The following DISC1 variants were observed in gnomAD, a reference collection of about 807,000 sequenced individuals.
The protein encoded by DISC1 is DISC1 scaffold protein, also known as disrupted in schizophrenia 1 protein.
In DISC1, 57 loss-of-function variants were observed where a neutral mutation model predicts 84.5. That is an observed-to-expected ratio of 0.67 (90% CI 0.55 to 0.84). The LOEUF (loss-of-function observed/expected upper bound fraction) is 0.84. DISC1 is among the 40% of genes least tolerant of loss of function. The probability of loss-of-function intolerance (pLI) is 0.00; values close to 1 mark genes in which losing one functional copy is unlikely to be tolerated. For synonymous variants in DISC1, 411 were observed against 415.2 expected (o/e 0.99, Z 0.12); for missense variants, 1,000 against 1,057.8 (o/e 0.95, Z 0.76).
chr1:231,728,481 T>C (rs928729131), intron 3 of DISC1, among the ~76,000 whole-genome samples: 1 of 152,200 alleles, frequency 6.6e-6, no homozygotes, highest in Non-Finnish European at 1.5e-5. Context: ...GGAGTTAGGC[T>C]TTAATACCTA....
At chr1:231,642,742 C>G (rs894686585) in intron 1 of DISC1, among the ~76,000 whole-genome samples, 6 of 151,392 alleles carry the variant, frequency 4.0e-5, no homozygotes, top group African/African-American at 1.5e-4. Flanking sequence ...TCTCTTCTGG[C>G]TCAGAAAATT....
chr1:231,828,607 A>G (rs1440822049), intron 9 of DISC1, among the ~76,000 whole-genome samples: 2 of 152,364 alleles, frequency 1.3e-5, no homozygotes, highest in African/African-American at 4.8e-5. Flanking sequence ...TTCAAAAAAT[A>G]CCTTTAGCAT....
At chr1:231,718,395 T>C (rs954285914) in intron 3 of DISC1, among the ~76,000 whole-genome samples, 1 of 152,014 alleles carries the variant, frequency 6.6e-6, no homozygotes, top group Non-Finnish European at 1.5e-5. Context: ...TCTAACTTCA[T>C]TTCTTGCCAT....
intron 11 of DISC1, among the ~76,000 whole-genome samples, chr1:232,018,793 G>A (rs1668702009): frequency 6.6e-6 from 1 of 152,224 alleles, no homozygotes; most frequent in African/African-American, 2.4e-5. Context: ...TAAAAGCCAT[G>A]TGTGTACAGC....
chr1:232,005,251 C>G (rs529189077), intron 10 of DISC1, among the ~76,000 whole-genome samples: 1 of 152,072 alleles, frequency 6.6e-6, no homozygotes, highest in East Asian at 1.9e-4. Context: ...CACAAGAAGT[C>G]CCATTATGCC....
chr1:231,751,609 A>G (rs563384303), intron 4 of DISC1, among the ~76,000 whole-genome samples: 1 of 152,316 alleles, frequency 6.6e-6, no homozygotes, highest in South Asian at 2.1e-4. Context: ...CTCTGTACCC[A>G]TTAAGCAATA....
chr1:231,737,076 C>A lies in DISC1; in HGVS notation c.1118-12850C>A, dbSNP rs184825845. 2.4e-3 allele frequency among the ~76,000 whole-genome samples: 365 copies of A among 152,304 alleles called. 4 individuals are homozygous for A. The highest frequency in any genetic ancestry group is 8.4e-3 in the African/African-American group (350 of 41,566). On this transcript the variant is annotated intron_variant, in intron 3 of 12. Coordinates refer to ENST00000439617, the MANE Select transcript of DISC1 (RefSeq NM_018662.3). The stretch of plus-strand genomic sequence containing the variant: ...GATGTGCTAAAGAATAACAGATGAG[C>A]ATTGACCTTCAATTAAACATTAGCA...
chr1:231,921,834 T>A (rs1572073244), intron 9 of DISC1, among the ~76,000 whole-genome samples: 2 of 140,726 alleles, frequency 1.4e-5, no homozygotes, highest in Non-Finnish European at 3.1e-5. Context: ...TTTTGGAGTG[T>A]GATGAGAACC....
chr1:231,729,658 C>G (rs1445106271), intron 3 of DISC1, among the ~76,000 whole-genome samples: 4 of 151,614 alleles, frequency 2.6e-5, no homozygotes, highest in Non-Finnish European at 5.9e-5. Flanking sequence ...TGGATTTCAT[C>G]CAAATTGGAA....
intron 3 of DISC1, among the ~76,000 whole-genome samples, chr1:231,709,908 G>T (rs1178854967): frequency 6.6e-6 from 1 of 152,210 alleles, no homozygotes; most frequent in Non-Finnish European, 1.5e-5. Context: ...GCGCTTAGAA[G>T]ACTGATTTTG....
intron 3 of DISC1, among the ~76,000 whole-genome samples, chr1:231,717,174 A>T (rs2068859585): frequency 6.6e-6 from 1 of 152,162 alleles, no homozygotes; most frequent in South Asian, 2.1e-4. Context: ...TTGGGAGATG[A>T]ATTGTGGCCC....
At chr1:231,740,857 T>G (rs1237665723) in intron 3 of DISC1, among the ~76,000 whole-genome samples, 3 of 152,190 alleles carry the variant, frequency 2.0e-5, no homozygotes, top group African/African-American at 7.2e-5. Flanking sequence ...ACCCGTCACA[T>G]GAGGTCAGAT....
intron 4 of DISC1, among the ~76,000 whole-genome samples, chr1:231,761,129 G>T (rs1381325053): frequency 2.6e-5 from 4 of 152,090 alleles, no homozygotes; most frequent in African/African-American, 7.2e-5. Flanking sequence ...TCCCGTACTG[G>T]GGTGGTGCCG....
chr1:231,752,904 A>G (rs1573525744), intron 4 of DISC1, among the ~76,000 whole-genome samples: 1 of 152,370 alleles, frequency 6.6e-6, no homozygotes. Flanking sequence ...TAAATCTTAA[A>G]GCTCCAAAAT....
intron 9 of DISC1, among the ~76,000 whole-genome samples, chr1:231,851,550 C>T (rs1417781317): frequency 5.3e-5 from 8 of 152,316 alleles, no homozygotes; most frequent in African/African-American, 1.7e-4. Flanking sequence ...TCACACCTCA[C>T]GTGGAAGTGC....
intron 9 of DISC1, among the ~76,000 whole-genome samples, chr1:231,879,198 C>A (rs1222996347): frequency 1.3e-5 from 2 of 151,624 alleles, no homozygotes; most frequent in Non-Finnish European, 2.9e-5. Context: ...TTCCTTTGAG[C>A]GTCATGTCAG....
intron 7 of DISC1, among the ~76,000 whole-genome samples, chr1:231,797,745 T>C (rs1225321970): frequency 6.6e-6 from 1 of 152,146 alleles, no homozygotes; most frequent in Non-Finnish European, 1.5e-5. Context: ...TTTATAAAAC[T>C]TTATAATTAC....
chr1:232,027,143 A>G (rs913410995), intron 12 of DISC1, among the ~76,000 whole-genome samples: 1 of 152,190 alleles, frequency 6.6e-6, no homozygotes, highest in African/African-American at 2.4e-5. Flanking sequence ...GTTTCAAGTG[A>G]GTGTAAATCC....
chr1:232,010,792 G>A (rs901505843), intron 11 of DISC1, among the ~76,000 whole-genome samples: 9 of 152,158 alleles, frequency 5.9e-5, no homozygotes, highest in African/African-American at 2.2e-4. Context: ...AAACTGGGGG[G>A]AGCTTAGCAA....
Sources: gnomAD v4.1 joint callset for allele counts (sites outside exome capture counted in the v4.1 genomes callset) on GRCh38, gnomAD v4.1.1 for gene constraint, MANE v1.5 for transcripts, NCBI Gene and HGNC (gene_info 2026-07-23, HGNC 2026-07-21) for gene names.